PSEN2: variants seen among roughly 807,000 people sequenced by gnomAD.
PSEN2 encodes presenilin-2.
In PSEN2, 32 loss-of-function variants were observed where a neutral mutation model predicts 49.1. That is an observed-to-expected ratio of 0.65 (90% CI 0.49 to 0.88). The LOEUF is 0.88. PSEN2 is among the 40% of genes least tolerant of loss of function. PSEN2 has a pLI of 0.00. For missense variants in PSEN2, 522 were observed against 586.9 expected (o/e 0.89, Z 1.14); for synonymous variants, 255 against 244.0 (o/e 1.05, Z -0.42).
At chr1:226,889,973 G>A (rs1371523241) in intron 8 of PSEN2, 62 bp from the exon 9 acceptor site, 7 of 1,336,316 alleles carry the variant, frequency 5.2e-6, no homozygotes, top group Non-Finnish European at 7.5e-6. Flanking sequence ...GTGCTACAGG[G>A]CAGGCTCTTC....
At chr1:226,871,978 G>T (rs1660327850) in intron 2 of PSEN2, among the ~76,000 whole-genome samples, 1 of 152,236 alleles carries the variant, frequency 6.6e-6, no homozygotes, top group South Asian at 2.1e-4. Context: ...GCTTTGAAGT[G>T]GGATGGATGT....
Position 226,894,143 on chromosome 1 carries a change from C to A in PSEN2, c.1191+18C>A. On this transcript the variant is annotated intron_variant, in intron 12 of 12. Transcript: ENST00000366783. ...TCCTCATTGTGAGTGGCTGGGGATG[C>A]GTCCAGCTGCCTCGTGGTGGGGGCC... 1 of 1,598,278 alleles carries A rather than the reference C, an allele frequency of 6.3e-7. No individual in the cohort carries two copies. The highest frequency in any genetic ancestry group is 8.6e-7 in the Non-Finnish European group (1 of 1,165,932).
chr1:226,878,354 C>T (rs1660765536), intron 3 of PSEN2, among the ~76,000 whole-genome samples: 1 of 152,140 alleles, frequency 6.6e-6, no homozygotes, highest in Admixed American at 6.5e-5. Context: ...GCACCGCACC[C>T]AGCCCCAGGG....
intron 12 of PSEN2, among the ~76,000 whole-genome samples, chr1:226,894,989 C>T (rs1242874999): frequency 6.6e-6 from 1 of 152,246 alleles, no homozygotes; most frequent in Non-Finnish European, 1.5e-5. Context: ...GCCCCCACAC[C>T]TGCTTCCCAG....
At chr1:226,880,806 C>G in intron 3 of PSEN2, 1 of 1,590,474 alleles carries the variant, frequency 6.3e-7, no homozygotes, top group Non-Finnish European at 8.6e-7. Flanking sequence ...CTCCTGTCCC[C>G]TTGGCCTTGG....
At chr1:226,880,503 C>T (rs200284833) in intron 3 of PSEN2, 11 of 1,516,142 alleles carry the variant, frequency 7.3e-6, no homozygotes, top group South Asian at 5.3e-5. Flanking sequence ...CTCTGGACAG[C>T]GATCACTCAG....
rs749675208 is a variant in PSEN2, at chr1:226,883,719, C to T, written c.156C>T (p.Asn52=). 2.9e-5 allele frequency: 47 copies of T among 1,613,872 alleles called. No individual in the cohort carries two copies. The highest frequency in any genetic ancestry group is 3.5e-5 in the Non-Finnish European group (41 of 1,180,016). ...ENTAQWRSQE[N]EEDGEEDPDR... ...GTTTCCCACAGAGAAGCCAGGAGAACGAGGAGGACGGTGAGGAGGACCCTG... is the reference window on the plus strand; with the variant it reads ...GTTTCCCACAGAGAAGCCAGGAGAATGAGGAGGACGGTGAGGAGGACCCTG... The change falls in exon 5 of 13, where the codon AAC becomes AAT. Residue 52 remains asparagine, a synonymous_variant. Coordinates refer to ENST00000366783, the MANE Select transcript of PSEN2 (RefSeq NM_000447.3).
At chr1:226,879,783 C>T (rs536513631) in intron 3 of PSEN2, among the ~76,000 whole-genome samples, 9 of 152,342 alleles carry the variant, frequency 5.9e-5, no homozygotes, top group African/African-American at 2.2e-4. Flanking sequence ...TGTCACTACC[C>T]TCCTGGCTTT....
chr1:226,894,133 G>C lies in PSEN2; in HGVS notation c.1191+8G>C, dbSNP rs774601959. On this transcript the variant is annotated splice_region_variant and intron_variant, in intron 12 of 12. Transcript: ENST00000366783. The stretch of plus-strand genomic sequence containing the variant: ...TTCGTGGCCATCCTCATTGTGAGTG[G>C]CTGGGGATGCGTCCAGCTGCCTCGT... 7.4e-6 allele frequency: 12 copies of C among 1,611,448 alleles called. No homozygotes were observed. Among genetic ancestry groups the C allele is most frequent in the Middle Eastern group, 1.7e-4 (1 of 6,042 alleles).
intron 3 of PSEN2, among the ~76,000 whole-genome samples, chr1:226,878,657 A>G (rs2102659250): frequency 6.6e-6 from 1 of 152,292 alleles, no homozygotes; most frequent in East Asian, 1.9e-4. Context: ...GGACTCCCAG[A>G]ACTGCTCCTC....
chr1:226,897,920 A>G (rs553781606), downstream of PSEN2: 1 of 154,844 alleles, frequency 6.5e-6, no homozygotes, highest in Non-Finnish European at 1.5e-5. Flanking sequence ...AAAATATTGC[A>G]TTCTGGAGGC....
intron 3 of PSEN2, 64 bp from the exon 4 acceptor site, chr1:226,881,822 CCT>C (rs954148754): frequency 2.7e-5 from 43 of 1,602,334 alleles, no homozygotes; most frequent in African/African-American, 1.3e-4. Context: ...CCAGCCACCC[CCT>C]GAGTCCTCCA....
At chr1:226,903,459 C>T (rs952058226) in intron 12 of PSEN2, 10 of 152,184 alleles carry the variant, frequency 6.6e-5, no homozygotes, top group African/African-American at 2.4e-4. Flanking sequence ...ACTGATTAAT[C>T]GGAATAAAAT....
intron 4 of PSEN2, 29 bp downstream of exon 4, chr1:226,882,077 C>A: frequency 6.2e-7 from 1 of 1,612,940 alleles, no homozygotes; most frequent in Non-Finnish European, 8.5e-7. Flanking sequence ...TGGGGGCCTT[C>A]AAACAGGTCC....
chr1:226,876,138 G>A (rs1010204233), intron 3 of PSEN2, among the ~76,000 whole-genome samples: 3 of 151,988 alleles, frequency 2.0e-5, no homozygotes, highest in African/African-American at 4.8e-5. Flanking sequence ...AGTTCATCGC[G>A]TCACCGGCAC....
chr1:226,891,108 A>G lies in PSEN2; in HGVS notation c.887-170A>G. The G allele has an allele frequency of 7.7e-6, 5 of 646,218 alleles. No homozygotes were observed. The South Asian group carries it at 8.8e-5, about 11-fold the overall frequency. The allele number at this position is 646,218 out of a possible 1,614,324, so 40.0% of individuals were successfully genotyped here. ...GAATAGACAAATGCAAGAGAGAGTGACTCTGGACCCCTCCCACAACGGCCT... is the reference window on the plus strand; with the variant it reads ...GAATAGACAAATGCAAGAGAGAGTGGCTCTGGACCCCTCCCACAACGGCCT... On this transcript the variant is annotated intron_variant, in intron 9 of 12. Transcript: ENST00000366783.
At chr1:226,874,464 G>T (rs889004471) in intron 2 of PSEN2, among the ~76,000 whole-genome samples, 28 of 152,206 alleles carry the variant, frequency 1.8e-4, no homozygotes, top group Non-Finnish European at 3.1e-4. Context: ...CTATGGATAT[G>T]TCCTTTCATT....
At chr1:226,893,910 T>A in intron 11 of PSEN2, 97 bp from the exon 12 acceptor site, 1 of 1,073,796 alleles carries the variant, frequency 9.3e-7, no homozygotes, top group Non-Finnish European at 1.4e-6. Context: ...TGGGCTGGGC[T>A]GGGCAAGAGC....
intron 12 of PSEN2, among the ~76,000 whole-genome samples, chr1:226,894,866 C>G (rs1662021601): frequency 6.6e-6 from 1 of 152,182 alleles, no homozygotes; most frequent in Non-Finnish European, 1.5e-5. Context: ...GCTCCTCCAC[C>G]ACCAGACTGC....
Sources: allele counts gnomAD v4.1 joint callset (sites outside exome capture counted in the v4.1 genomes callset), GRCh38; gene constraint gnomAD v4.1.1; transcripts MANE v1.5; gene names NCBI Gene and HGNC (gene_info 2026-07-23, HGNC 2026-07-21).